DCBLD1: variants seen among roughly 807,000 people sequenced by gnomAD.
The protein encoded by DCBLD1 is discoidin, CUB and LCCL domain-containing protein 1.
In DCBLD1, 57 loss-of-function variants were observed where a neutral mutation model predicts 71.5. The ratio of observed to expected loss-of-function variants is 0.80; its 90% CI spans 0.64 to 0.99. The LOEUF is 0.99. Among genes scored for constraint, DCBLD1 ranks in the 50% least tolerant of loss-of-function variants. The pLI is 0.00. For synonymous variants in DCBLD1, 380 were observed against 363.8 expected (o/e 1.04, Z -0.51); for missense variants, 891 against 923.5 (o/e 0.96, Z 0.46).
intron 1 of DCBLD1, among the ~76,000 whole-genome samples, chr6:117,497,746 C>G (rs867506181): frequency 6.6e-6 from 1 of 152,038 alleles, no homozygotes; most frequent in African/African-American, 2.4e-5. Context: ...AATGACAGTC[C>G]GTGACTTCTT....
At chr6:117,483,008 CG>C in intron 1 of DCBLD1, 115 bp downstream of exon 1, 1 of 1,001,760 alleles carries the variant, frequency 1.0e-6, no homozygotes, top group Non-Finnish European at 1.2e-6. Context: ...CCTGGGGGGA[CG>C]GAGCGCGGGA....
chr6:117,561,061 A>G (rs758166727), intron 14 of DCBLD1: 43 of 223,410 alleles, frequency 1.9e-4, no homozygotes, highest in South Asian at 3.7e-4. Context: ...GGAAGCTCAC[A>G]GTAGCATCTG....
At chr6:117,499,181 C>T (rs539941207) in intron 1 of DCBLD1, among the ~76,000 whole-genome samples, 51 of 145,996 alleles carry the variant, frequency 3.5e-4, no homozygotes, top group Non-Finnish European at 6.4e-4. Context: ...GCGGGAAGAT[C>T]GCTTGAGCCT....
intron 11 of DCBLD1, among the ~76,000 whole-genome samples, chr6:117,542,533 T>A (rs943562223): frequency 2.0e-5 from 3 of 152,174 alleles, no homozygotes; most frequent in African/African-American, 7.2e-5. Context: ...AAGTGTCCTT[T>A]TTTTAGAGCA....
At chr6:117,560,457 TAC>T (rs1779562742) in intron 14 of DCBLD1, 1 of 191,434 alleles carries the variant, frequency 5.2e-6, no homozygotes, top group Non-Finnish European at 1.1e-5. Context: ...GAATAGGGAT[TAC>T]ATAATCAGGA....
At chr6:117,515,280 C>G (rs1040592243) in intron 2 of DCBLD1, among the ~76,000 whole-genome samples, 1 of 152,154 alleles carries the variant, frequency 6.6e-6, no homozygotes, top group Non-Finnish European at 1.5e-5. Context: ...CCTTGGCCTC[C>G]CACAGTGCTG....
In DCBLD1 at chr6:117,503,922, G is replaced by A. The variant is rs778756457; in HGVS notation, c.268G>A (p.Glu90Lys). Residue 90 changes from glutamate (E) to lysine (K), a missense_variant, in exon 2 of 15, where the codon GAA becomes AAA. Physicochemically the swap from Glu to Lys is moderately conservative, Grantham distance 56. Coordinates refer to ENST00000338728, the MANE Select transcript of DCBLD1 (RefSeq NM_001366458.2). ...TCTGAGGTTGGGAGATTTGGATATC[G>A]AATCCCAGACCTGTGCTTCTGACTA... ...LILRLGDLDI[E>K]SQTCASDYLL... 12 of 1,614,002 alleles carry A rather than the reference G, an allele frequency of 7.4e-6. No homozygotes were observed. The highest frequency in any genetic ancestry group is 2.2e-5 in the East Asian group (1 of 44,880).
chr6:117,537,476 G>C (rs1778925910), intron 7 of DCBLD1, among the ~76,000 whole-genome samples: 1 of 151,126 alleles, frequency 6.6e-6, no homozygotes, highest in Non-Finnish European at 1.5e-5. Context: ...GGAGCTTGCA[G>C]TGAGCTGAGA....
At chr6:117,500,779 C>T (rs1437862367) in intron 1 of DCBLD1, among the ~76,000 whole-genome samples, 2 of 152,162 alleles carry the variant, frequency 1.3e-5, no homozygotes, top group Admixed American at 6.5e-5. Context: ...AGGAGAATCG[C>T]TTGAACCCAG....
chr6:117,547,663 G>T, intron 14 of DCBLD1: 1 of 778,824 alleles, frequency 1.3e-6, no homozygotes, highest in Non-Finnish European at 2.2e-6. Context: ...GCCCCAGGAC[G>T]TCGTCGTCGC....
At chr6:117,514,921 C>T (rs1666407690) in intron 2 of DCBLD1, among the ~76,000 whole-genome samples, 1 of 150,876 alleles carries the variant, frequency 6.6e-6, no homozygotes, top group Non-Finnish European at 1.5e-5. Flanking sequence ...ATACTTTTTG[C>T]AACTTTTCCT....
rs776113050 is a variant in DCBLD1 at position 117,544,553 on chromosome 6, G to C, written c.1471G>C (p.Gly491Arg). Residue 491 changes from glycine (G) to arginine (R), a missense_variant, in exon 13 of 15, where the codon GGA (glycine) becomes CGA (arginine). By Grantham distance (125) the Gly-to-Arg change is moderately radical. Transcript: ENST00000338728. Reference sequence around the variant, plus strand: ...GAAGAAGAAGAAAGGAAGTCCGTATGGATCAGCAGAGGCTCAGAAAACAGG... The same window carrying C: ...GAAGAAGAAGAAAGGAAGTCCGTATCGATCAGCAGAGGCTCAGAAAACAGG... ...RKKKKKGSPY[G>R]SAEAQKTDCW... 6.2e-7 allele frequency: 1 copy of C among 1,613,974 alleles called. No homozygotes were observed. Among genetic ancestry groups the C allele is most frequent in the South Asian group, 1.1e-5 (1 of 91,002 alleles).
In DCBLD1 at chr6:117,515,560, CAT is replaced by C. The variant is rs1002393133; in HGVS notation, c.326-4253_326-4252del. Among the ~76,000 whole-genome samples the C allele has an allele frequency of 5.9e-5, 9 of 152,330 alleles. 1 individual carries two copies. Among genetic ancestry groups the C allele is most frequent in the African/African-American group, 1.7e-4 (7 of 41,572 alleles). ...GTGCAAAGAACAGAGGAATTTCAAA[CAT>C]ATCTAAAACAAACAGAATAAGTTGG... On this transcript the variant is annotated intron_variant, in intron 2 of 14. Transcript: ENST00000338728.
At chr6:117,535,864 C>G (rs757656370) in intron 6 of DCBLD1, among the ~76,000 whole-genome samples, 1 of 152,152 alleles carries the variant, frequency 6.6e-6, no homozygotes, top group African/African-American at 2.4e-5. Flanking sequence ...CAGGAGAGTT[C>G]TCATCCAAGC....
intron 4 of DCBLD1, among the ~76,000 whole-genome samples, chr6:117,524,063 G>T (rs1778468059): frequency 6.6e-6 from 1 of 152,028 alleles, no homozygotes; most frequent in Non-Finnish European, 1.5e-5. Context: ...GCAATATCAG[G>T]GTCCCACTGC....
In DCBLD1 at chr6:117,488,165, G is replaced by T. The variant is rs530199251; in HGVS notation, c.112+5272G>T. Among the ~76,000 whole-genome samples, 3 of 152,252 alleles carry T rather than the reference G, an allele frequency of 2.0e-5. No homozygotes were observed. In the South Asian group the frequency reaches 6.2e-4, roughly 32 times the overall value. ...ATGAATCTCAGCCTCTTCTTTCACC[G>T]CTAGCACCCAGTACGGTGCCTGGCA... is the stretch of plus-strand genomic sequence containing the variant. On this transcript the variant is annotated intron_variant, in intron 1 of 14. Transcript: ENST00000338728.
At chr6:117,538,905 T>G in intron 8 of DCBLD1, 70 bp downstream of exon 8, 1 of 1,479,456 alleles carries the variant, frequency 6.8e-7, no homozygotes, top group South Asian at 1.2e-5. Context: ...TAGTTGAAAA[T>G]ACGCTTATTG....
intron 12 of DCBLD1, chr6:117,544,303 T>C (rs1301507992): frequency 4.3e-6 from 2 of 461,574 alleles, no homozygotes; most frequent in Non-Finnish European, 7.5e-6. Flanking sequence ...AAGATTAGTA[T>C]ATATTCTTCT....
In DCBLD1 at chr6:117,555,565, C is replaced by T. The variant is rs1272585546; in HGVS notation, c.1615+9968C>T. 3.9e-5 allele frequency among the ~76,000 whole-genome samples: 6 copies of T among 152,146 alleles called. No individual in the cohort carries two copies. In the East Asian group the frequency reaches 1.2e-3, roughly 29 times the overall value. ...TCCTAAAGAATATGGGGACAGTATG[C>T]ACACAAGCAAGAAATAACTTATTCC... On this transcript the variant is annotated intron_variant, in intron 14 of 14. Transcript: ENST00000296955.
Sources: gnomAD v4.1 joint callset for allele counts (sites outside exome capture counted in the v4.1 genomes callset) on GRCh38, gnomAD v4.1.1 for gene constraint, MANE v1.5 for transcripts, NCBI Gene and HGNC (gene_info 2026-07-23, HGNC 2026-07-21) for gene names.